FUT8: variants seen among roughly 807,000 people sequenced by gnomAD.
The protein encoded by FUT8 is fucosyltransferase 8.
Under a neutral mutation model 71.3 loss-of-function variants are expected in FUT8, and 29 were observed. That is an observed-to-expected ratio of 0.41 (90% CI 0.30 to 0.55). The LOEUF (loss-of-function observed/expected upper bound fraction) is 0.55, where lower values mean the gene tolerates loss of function less well. Ranked by LOEUF, FUT8 falls within the 20% of genes least tolerant of loss-of-function variation. The probability of loss-of-function intolerance (pLI) is 0.34; values close to 1 mark genes in which losing one functional copy is unlikely to be tolerated. For synonymous variants in FUT8, 254 were observed against 239.3 expected, an observed-to-expected ratio of 1.06 and a Z score of -0.57; for missense variants, 544 against 702.1, an observed-to-expected ratio of 0.77 and a Z score of 2.55.
intron 2 of FUT8, among the ~76,000 whole-genome samples, chr14:65,490,435 C>A (rs927823648): frequency 4.0e-5 from 6 of 151,888 alleles, no homozygotes; most frequent in African/African-American, 1.5e-4. Flanking sequence ...TTATCAAGGC[C>A]CAGGCATCTG....
chr14:65,516,902 ATT>A (rs1882746173), intron 2 of FUT8, among the ~76,000 whole-genome samples: 1 of 150,674 alleles, frequency 6.6e-6, no homozygotes, highest in South Asian at 2.1e-4. Flanking sequence ...TTTAATCACT[ATT>A]CTACTTTCTC....
At chr14:65,393,959 T>C in the FUT8 span, among the ~76,000 whole-genome samples, 1 of 151,912 alleles carries the variant, frequency 6.6e-6, no homozygotes, top group Non-Finnish European at 1.5e-5. Context: ...CCCCTTATCA[T>C]TATTATTATT....
At chr14:65,445,534 G>A (rs773214470) in intron 1 of FUT8, among the ~76,000 whole-genome samples, 1 of 152,180 alleles carries the variant, frequency 6.6e-6, no homozygotes, top group Non-Finnish European at 1.5e-5. Context: ...TGTATCCTGA[G>A]TATGGATATA....
At chr14:65,402,794 C>T in the FUT8 span, among the ~76,000 whole-genome samples, 185 of 152,230 alleles carry the variant, frequency 1.2e-3, 5 homozygotes, top group East Asian at 0.032. Flanking sequence ...CCACTGTGCC[C>T]GCCTGGAGTA....
intron 7 of FUT8, among the ~76,000 whole-genome samples, chr14:65,704,407 G>A (rs773619951): frequency 6.6e-6 from 1 of 151,962 alleles, no homozygotes; most frequent in African/African-American, 2.4e-5. Context: ...TAAATTTGAT[G>A]AAATTAAGCC....
chr14:65,527,586 C>G (rs936342219), intron 2 of FUT8, among the ~76,000 whole-genome samples: 1 of 152,150 alleles, frequency 6.6e-6, no homozygotes, highest in Non-Finnish European at 1.5e-5. Flanking sequence ...CTCCGTCCAG[C>G]TTTGTTCTGT....
chr14:65,611,207 GCGCGCGCGCGCGCGCGCACACACA>G (rs1888900698), intron 3 of FUT8, among the ~76,000 whole-genome samples: 10 of 2,872 alleles, frequency 3.5e-3, no homozygotes, highest in South Asian at 0.036. Context: ...ACGCGCGCGC[GCGCGCGCGCGCGCGCGCACACACA>G]CACACACACA....
At chr14:65,720,929 A>G (rs1255764302) in intron 7 of FUT8, among the ~76,000 whole-genome samples, 3 of 152,082 alleles carry the variant, frequency 2.0e-5, no homozygotes, top group African/African-American at 7.2e-5. Context: ...ACATGGTAAC[A>G]CTGAGTTCCA....
intron 9 of FUT8, among the ~76,000 whole-genome samples, chr14:65,730,596 C>T (rs1346496800): frequency 2.6e-5 from 4 of 151,990 alleles, no homozygotes; most frequent in Non-Finnish European, 4.4e-5. Context: ...GATGTGAACC[C>T]GGGAGGCGGA....
intron 2 of FUT8, among the ~76,000 whole-genome samples, chr14:65,518,124 A>G (rs373508250): frequency 2.6e-5 from 4 of 152,126 alleles, no homozygotes; most frequent in Non-Finnish European, 5.9e-5. Flanking sequence ...GGGTTTTTCT[A>G]TGTGTGCAAG....
chr14:65,556,999 T>C (rs528576793), intron 2 of FUT8, among the ~76,000 whole-genome samples: 88 of 152,354 alleles, frequency 5.8e-4, no homozygotes, highest in African/African-American at 1.9e-3. Flanking sequence ...TTTTAATTTC[T>C]ATGTCTTGTC....
chr14:65,675,101 C>T (rs1010051057), intron 7 of FUT8, among the ~76,000 whole-genome samples: 21 of 152,194 alleles, frequency 1.4e-4, no homozygotes, highest in African/African-American at 4.6e-4. Context: ...TTCACCATTA[C>T]ATCTTCTTTC....
chr14:65,373,689 C>T, the FUT8 span, among the ~76,000 whole-genome samples: 2 of 152,136 alleles, frequency 1.3e-5, no homozygotes, highest in Non-Finnish European at 2.9e-5. Flanking sequence ...AGGGAACTCT[C>T]CCATTTCAAT....
chr14:65,431,588 C>T (rs982494296), intron 1 of FUT8, among the ~76,000 whole-genome samples: 2 of 151,912 alleles, frequency 1.3e-5, no homozygotes, highest in Admixed American at 6.6e-5. Flanking sequence ...GTTGGGATTA[C>T]AGGCGTGAGC....
At chr14:65,437,797 G>A (rs2065584030) in intron 1 of FUT8, among the ~76,000 whole-genome samples, 1 of 152,170 alleles carries the variant, frequency 6.6e-6, no homozygotes, top group Admixed American at 6.5e-5. Context: ...ATGGATGCAA[G>A]GAGAGAGGTT....
intron 1 of FUT8, among the ~76,000 whole-genome samples, chr14:65,451,898 G>C (rs555162210): frequency 2.0e-5 from 3 of 152,220 alleles, no homozygotes; most frequent in Admixed American, 1.3e-4. Flanking sequence ...CAGGACCGTG[G>C]GTGATTTAGG....
chr14:65,427,525 T>C (rs1204549652), intron 1 of FUT8, among the ~76,000 whole-genome samples: 1 of 152,226 alleles, frequency 6.6e-6, no homozygotes, highest in Non-Finnish European at 1.5e-5. Context: ...ATTTTTGTGA[T>C]GGTTCATCAG....
chr14:65,701,468 T>C (rs1894291639), intron 7 of FUT8, among the ~76,000 whole-genome samples: 1 of 152,160 alleles, frequency 6.6e-6, no homozygotes, highest in African/African-American at 2.4e-5. Context: ...ATTACGTAAT[T>C]TTACATAATT....
intron 2 of FUT8, among the ~76,000 whole-genome samples, chr14:65,545,119 T>C (rs1884913879): frequency 6.6e-6 from 1 of 152,020 alleles, no homozygotes; most frequent in Admixed American, 6.6e-5. Flanking sequence ...AAAGGACCCT[T>C]TTAATTTATA....
Sources: allele counts gnomAD v4.1 joint callset (sites outside exome capture counted in the v4.1 genomes callset), GRCh38; gene constraint gnomAD v4.1.1; transcripts MANE v1.5; gene names NCBI Gene and HGNC (gene_info 2026-07-23, HGNC 2026-07-21).